Variants in KCNH8 observed in about 807,000 individuals in gnomAD.
KCNH8 encodes potassium voltage-gated channel subfamily H member 8.
KCNH8 carries 70 observed loss-of-function variants against 103.6 expected under a neutral mutation model. That is an observed-to-expected ratio of 0.68 (90% CI 0.56 to 0.82). The LOEUF is 0.82. Among genes scored for constraint, KCNH8 ranks in the 40% least tolerant of loss-of-function variants. KCNH8 has a pLI of 0.00. For synonymous variants in KCNH8, 498 were observed against 489.4 expected, an observed-to-expected ratio of 1.02 and a Z score of -0.23; for missense variants, 1,217 against 1,329.9, an observed-to-expected ratio of 0.92 and a Z score of 1.32.
rs115538644 is a variant in KCNH8, at chr3:19,376,841, C to T, written c.812-13640C>T. Among the ~76,000 whole-genome samples the T allele has an allele frequency of 2.1e-3, 317 of 152,338 alleles. 2 individuals carry two copies. Among genetic ancestry groups the T allele is most frequent in the African/African-American group, 7.3e-3 (305 of 41,580 alleles). On this transcript the variant is annotated intron_variant, in intron 5 of 15. Transcript: ENST00000328405. ...TTGGGATACTAAACAAGAAGCAACT[C>T]TCATTCCCCTTTTTGGGAGACCAAT...
intron 7 of KCNH8, among the ~76,000 whole-genome samples, chr3:19,437,631 AAAC>A (rs985233123): frequency 8.5e-5 from 13 of 152,326 alleles, no homozygotes; most frequent in African/African-American, 2.9e-4. Context: ...GAGATTTGTA[AAAC>A]AACTGGATAC....
chr3:19,518,298 G>A (rs1310506820), intron 15 of KCNH8, among the ~76,000 whole-genome samples: 1 of 152,006 alleles, frequency 6.6e-6, no homozygotes, highest in Non-Finnish European at 1.5e-5. Flanking sequence ...GAATAATAAT[G>A]CCTGCCTTAT....
chr3:19,436,540 G>GT (rs2067202424), intron 7 of KCNH8, among the ~76,000 whole-genome samples: 1 of 152,234 alleles, frequency 6.6e-6, no homozygotes, highest in South Asian at 2.1e-4. Flanking sequence ...TGTGTTACCA[G>GT]TTTTTTTCAT....
rs551591058 is a variant in KCNH8, at chr3:19,268,842, G to A, written c.311-12356G>A. On this transcript the variant is annotated intron_variant, in intron 2 of 15. Coordinates refer to ENST00000328405, the MANE Select transcript of KCNH8 (RefSeq NM_144633.3). The stretch of plus-strand genomic sequence containing the variant: ...GAGAAGCCATGGCTTGGTCCAGGAT[G>A]TAGCCAGTGAAGACTGAAGAGTGAA... 9.9e-5 allele frequency among the ~76,000 whole-genome samples: 15 copies of A among 152,248 alleles called. No homozygotes were observed. In the South Asian group the frequency reaches 1.4e-3, roughly 15 times the overall value.
intron 3 of KCNH8, among the ~76,000 whole-genome samples, chr3:19,305,331 CTTGTATTAGGTATCTA>C (rs2065116556): frequency 6.6e-6 from 1 of 152,034 alleles, no homozygotes; most frequent in African/African-American, 2.4e-5. Context: ...TTTCATGTAC[CTTGTATTAGGTATCTA>C]CTAGAAGATG....
chr3:19,500,446 T>C (rs980021757), intron 11 of KCNH8, among the ~76,000 whole-genome samples: 1 of 151,992 alleles, frequency 6.6e-6, no homozygotes, highest in African/African-American at 2.4e-5. Flanking sequence ...CTAATAGACA[T>C]CTACAGAACT....
chr3:19,230,644 A>G (rs1306605649), intron 1 of KCNH8, among the ~76,000 whole-genome samples: 2 of 152,222 alleles, frequency 1.3e-5, no homozygotes, highest in East Asian at 3.8e-4. Flanking sequence ...TTTTTACATT[A>G]AAACAAAATC....
intron 11 of KCNH8, among the ~76,000 whole-genome samples, chr3:19,490,278 T>C (rs1464376215): frequency 6.6e-6 from 1 of 152,148 alleles, no homozygotes; most frequent in East Asian, 1.9e-4. Context: ...CACCGAATTG[T>C]AGAAGGAAAG....
intron 1 of KCNH8, among the ~76,000 whole-genome samples, chr3:19,170,637 CAT>C (rs750905438): frequency 0.012 from 1,707 of 139,614 alleles, 13 homozygotes; most frequent in Non-Finnish European, 0.019. Flanking sequence ...TATATACACA[CAT>C]ATATATACAC....
chr3:19,245,357 A>G (rs1269582717), intron 1 of KCNH8, among the ~76,000 whole-genome samples: 7 of 152,084 alleles, frequency 4.6e-5, no homozygotes, highest in African/African-American at 1.2e-4. Context: ...TTTGGTTACT[A>G]TAGCCTTATA....
At position 19,534,313 on chromosome 3, in the gene KCNH8, G is replaced by T; in HGVS notation, c.*214G>T. On this transcript the variant is annotated 3_prime_UTR_variant, in exon 16 of 16. Coordinates refer to ENST00000328405, the MANE Select transcript of KCNH8 (RefSeq NM_144633.3). ...ATAATAGAAACATTTTTCTGTACAG[G>T]TATTAAACTACTGGTCTGTTTGACA... The T allele has an allele frequency of 1.8e-6, 1 of 569,906 alleles. No homozygotes were observed. Among genetic ancestry groups the T allele is most frequent in the South Asian group, 2.4e-5 (1 of 42,252 alleles). The allele number at this position is 569,906 out of a possible 1,614,324, so 35.3% of individuals were successfully genotyped here.
chr3:19,507,345 G>T (rs561443811), intron 11 of KCNH8, among the ~76,000 whole-genome samples: 3 of 152,300 alleles, frequency 2.0e-5, no homozygotes, highest in African/African-American at 7.2e-5. Context: ...GTATCAGTGG[G>T]TGTGCTCAGC....
At chr3:19,308,559 C>T (rs1185850373) in intron 3 of KCNH8, among the ~76,000 whole-genome samples, 2 of 151,874 alleles carry the variant, frequency 1.3e-5, no homozygotes, top group African/African-American at 4.8e-5. Flanking sequence ...TTCAATTCCA[C>T]CCCAGCAGAA....
chr3:19,225,459 A>G (rs1376603456), intron 1 of KCNH8, among the ~76,000 whole-genome samples: 2 of 152,128 alleles, frequency 1.3e-5, no homozygotes, highest in Admixed American at 6.5e-5. Context: ...AGTCCTCAGC[A>G]GTTATTACAT....
At chr3:19,487,209 C>A (rs1438191612) in intron 11 of KCNH8, among the ~76,000 whole-genome samples, 1 of 152,154 alleles carries the variant, frequency 6.6e-6, no homozygotes, top group Non-Finnish European at 1.5e-5. Flanking sequence ...TACTGAAAGG[C>A]AAACAGCTTC....
intron 1 of KCNH8, among the ~76,000 whole-genome samples, chr3:19,244,405 T>A (rs2064178765): frequency 6.6e-6 from 1 of 152,222 alleles, no homozygotes; most frequent in African/African-American, 2.4e-5. Flanking sequence ...GGTGAACATA[T>A]GAGTGCACGT....
rs979868166 is a variant in KCNH8, at chr3:19,206,168, G to GTGTGTATATATATATATATATATA, written c.77-47485_77-47484insGTGTATATATATATATATATATAT. 4.7e-3 allele frequency among the ~76,000 whole-genome samples: 652 copies of GTGTGTATATATATATATATATATA among 139,028 alleles called. 10 individuals carry two copies. The highest frequency in any genetic ancestry group is 0.018 in the African/African-American group (622 of 34,634). The allele number at this position is 139,028 out of a possible 152,430, so 91.2% of individuals were successfully genotyped here. On this transcript the variant is annotated intron_variant, in intron 1 of 15. Transcript: ENST00000328405. ...GTATATATATATTAATGGTGTGTGTGTATATATATATATATATCACAGTTA... is the reference window on the plus strand; with the variant it reads ...GTATATATATATTAATGGTGTGTGTGTGTGTATATATATATATATATATATATATATATATATATATCACAGTTA...
Position 19,230,025 on chromosome 3 carries a change from A to G in KCNH8, c.77-23629A>G, listed in dbSNP as rs1216195313. ...CTGGGGAGGCCTCAGAATCATGGCG[A>G]AGGTGAAAGGCTCTTCTTACATGGT... is the stretch of plus-strand genomic sequence containing the variant. On this transcript the variant is annotated intron_variant, in intron 1 of 15. Coordinates refer to ENST00000328405, the MANE Select transcript of KCNH8 (RefSeq NM_144633.3). 2.0e-5 allele frequency among the ~76,000 whole-genome samples: 3 copies of G among 151,656 alleles called. No individual in the cohort carries two copies. In the East Asian group the frequency reaches 5.8e-4, roughly 29 times the overall value.
intron 14 of KCNH8, 24 bp downstream of exon 14, chr3:19,515,452 C>T: frequency 8.3e-7 from 1 of 1,211,324 alleles, no homozygotes; most frequent in Non-Finnish European, 1.1e-6. Context: ...TTAGTCTTCT[C>T]CTAAGGTAAA....
Sources: gnomAD v4.1 joint callset for allele counts (sites outside exome capture counted in the v4.1 genomes callset) on GRCh38, gnomAD v4.1.1 for gene constraint, MANE v1.5 for transcripts, NCBI Gene and HGNC (gene_info 2026-07-23, HGNC 2026-07-21) for gene names.